USP40: variants seen among roughly 807,000 people sequenced by gnomAD.
USP40 encodes ubiquitin carboxyl-terminal hydrolase 40.
In USP40, 143 loss-of-function variants were observed where a neutral mutation model predicts 166.2. The ratio of observed to expected loss-of-function variants is 0.86; its 90% CI spans 0.75 to 0.99. The LOEUF is 0.99. USP40 is among the 50% of genes least tolerant of loss of function. The probability of loss-of-function intolerance (pLI) is 0.00; values close to 1 mark genes in which losing one functional copy is unlikely to be tolerated. For synonymous variants in USP40, 498 were observed against 524.0 expected, an observed-to-expected ratio of 0.95 and a Z score of 0.68; for missense variants, 1,444 against 1,479.7, an observed-to-expected ratio of 0.98 and a Z score of 0.40.
At chr2:233,543,658 G>A (rs1006102749) in intron 8 of USP40, among the ~76,000 whole-genome samples, 5 of 152,228 alleles carry the variant, frequency 3.3e-5, no homozygotes, top group Admixed American at 6.5e-5. Context: ...GACACAGCAA[G>A]AAAGAGTCAT....
At chr2:233,527,640 T>C in intron 12 of USP40, 62 bp from the exon 13 acceptor site, 4 of 1,377,358 alleles carry the variant, frequency 2.9e-6, no homozygotes, top group Non-Finnish European at 3.8e-6. Context: ...GTGTTTTATC[T>C]CAAACCAAAG....
At chr2:233,505,283 A>T (rs2066341888) in intron 21 of USP40, among the ~76,000 whole-genome samples, 1 of 152,172 alleles carries the variant, frequency 6.6e-6, no homozygotes, top group Non-Finnish European at 1.5e-5. Context: ...ACCTCAAGGA[A>T]CTAGAAACAT....
intron 2 of USP40, among the ~76,000 whole-genome samples, chr2:233,564,329 T>C (rs1358393019): frequency 5.3e-5 from 8 of 152,092 alleles, no homozygotes. Context: ...GGAGACACTG[T>C]GGAGAGCTGA....
At chr2:233,511,314 G>A (rs2066816607) in intron 20 of USP40, among the ~76,000 whole-genome samples, 1 of 152,134 alleles carries the variant, frequency 6.6e-6, no homozygotes, top group South Asian at 2.1e-4. Context: ...ATGCTACTGA[G>A]TGTTAGACTT....
In USP40 at chr2:233,493,027, ATGTAG is replaced by A. The variant is rs2065449158; in HGVS notation, c.2917+393_2917+397del. The A allele has an allele frequency of 1.7e-5, 4 of 235,576 alleles. No homozygotes were observed. Among genetic ancestry groups the A allele is most frequent in the Admixed American group, 9.9e-5 (2 of 20,102 alleles). The allele number at this position is 235,576 out of a possible 1,614,324, so 14.6% of individuals were successfully genotyped here. On this transcript the variant is annotated intron_variant, in intron 25 of 31. Coordinates refer to ENST00000678225, the MANE Select transcript of USP40 (RefSeq NM_001365479.2). This position sits in a 1 kb window ranked among gnomAD's most constrained non-coding sequence, Gnocchi z 4.7. The stretch of plus-strand genomic sequence containing the variant: ...TTTTGAGGCAGAAAGATTGGAAGAC[ATGTAG>A]GATGTGGACTCCTGGTCTCTGCCCC...
At chr2:233,502,617 C>G (rs547805315) in intron 21 of USP40, among the ~76,000 whole-genome samples, 1 of 152,110 alleles carries the variant, frequency 6.6e-6, no homozygotes, top group South Asian at 2.1e-4. Flanking sequence ...TGGCAGTATC[C>G]CCCTCCCCAG....
At chr2:233,543,497 T>C (rs935331808) in intron 8 of USP40, among the ~76,000 whole-genome samples, 1 of 152,162 alleles carries the variant, frequency 6.6e-6, no homozygotes, top group Non-Finnish European at 1.5e-5. Flanking sequence ...CCAAAATTCA[T>C]ACGTTGAAAC....
chr2:233,508,654 T>C (rs544596001), intron 21 of USP40, among the ~76,000 whole-genome samples: 1 of 152,310 alleles, frequency 6.6e-6, no homozygotes, highest in South Asian at 2.1e-4. Flanking sequence ...TGAAAAAATG[T>C]AAAATTCTAA....
intron 18 of USP40, among the ~76,000 whole-genome samples, chr2:233,513,334 C>T (rs2125167606): frequency 6.6e-6 from 1 of 152,170 alleles, no homozygotes; most frequent in Middle Eastern, 3.4e-3. Flanking sequence ...TGGTCAATTC[C>T]CTCTTTTGAT....
intron 24 of USP40, among the ~76,000 whole-genome samples, chr2:233,494,389 G>C (rs574122734): frequency 6.6e-6 from 1 of 152,124 alleles, no homozygotes; most frequent in African/African-American, 2.4e-5. Flanking sequence ...AGAAGTTTCT[G>C]TAGAATAATT....
At chr2:233,547,825 T>C (rs2070127495) in intron 8 of USP40, among the ~76,000 whole-genome samples, 1 of 152,198 alleles carries the variant, frequency 6.6e-6, no homozygotes, top group Non-Finnish European at 1.5e-5. Flanking sequence ...TGTGTATATG[T>C]GTATGTGCAC....
chr2:233,483,335 C>T (rs1166515543), intron 30 of USP40, among the ~76,000 whole-genome samples: 1 of 152,010 alleles, frequency 6.6e-6, no homozygotes, highest in Non-Finnish European at 1.5e-5. Flanking sequence ...ACCAAAAATA[C>T]AAAAAATTAG....
chr2:233,535,461 C>T (rs1426524555), intron 10 of USP40, among the ~76,000 whole-genome samples: 1 of 152,168 alleles, frequency 6.6e-6, no homozygotes, highest in Non-Finnish European at 1.5e-5. Flanking sequence ...TAGCTCAAGA[C>T]TATAAGAACA....
At chr2:233,517,579 G>C (rs141680456) in intron 18 of USP40, among the ~76,000 whole-genome samples, 2,517 of 152,204 alleles carry the variant, frequency 0.017, 68 homozygotes, top group African/African-American at 0.057. Context: ...AGTAGAGACA[G>C]GGTTTCACCA....
At chr2:233,539,286 G>A (rs1241947236) in intron 10 of USP40, among the ~76,000 whole-genome samples, 4 of 151,240 alleles carry the variant, frequency 2.6e-5, no homozygotes, top group Non-Finnish European at 5.9e-5. Context: ...CTTGTGAAAT[G>A]CTACATCCAA....
At chr2:233,513,464 C>G (rs838553) in intron 18 of USP40, among the ~76,000 whole-genome samples, 107,733 of 152,072 alleles carry the variant, frequency 0.71, 39,485 homozygotes, top group African/African-American at 0.92. Flanking sequence ...GAAATGAAGT[C>G]AATGGTTACT....
At chr2:233,507,968 AT>A (rs2066546621) in intron 21 of USP40, among the ~76,000 whole-genome samples, 1 of 152,046 alleles carries the variant, frequency 6.6e-6, no homozygotes, top group South Asian at 2.1e-4. Context: ...TGTCAATTTA[AT>A]TTTTTTTAAA....
chr2:233,539,337 GAGC>G (rs951012427), intron 10 of USP40, among the ~76,000 whole-genome samples: 16 of 152,074 alleles, frequency 1.1e-4, no homozygotes, highest in African/African-American at 3.9e-4. Flanking sequence ...ACAGAACATT[GAGC>G]AGGATAGACA....
chr2:233,503,771 G>T (rs891292231), intron 21 of USP40, among the ~76,000 whole-genome samples: 3 of 152,024 alleles, frequency 2.0e-5, no homozygotes, highest in African/African-American at 7.2e-5. Context: ...AATACTTAAG[G>T]GAGCACTACA....
Sources: allele counts gnomAD v4.1 joint callset (sites outside exome capture counted in the v4.1 genomes callset), GRCh38; gene constraint gnomAD v4.1.1; non-coding constraint Gnocchi (gnomAD v3.1); transcripts MANE v1.5; gene names NCBI Gene and HGNC (gene_info 2026-07-23, HGNC 2026-07-21).